NDST4: variants seen among roughly 807,000 people sequenced by gnomAD.
The protein encoded by NDST4 is N-heparan sulfate sulfotransferase 4.
A neutral mutation model predicts 100.8 loss-of-function variants in NDST4; 63 were observed. The observed-to-expected ratio is 0.62, with a 90% CI of 0.51 to 0.77. The LOEUF is 0.77. Among genes scored for constraint, NDST4 ranks in the 30% least tolerant of loss-of-function variants. The pLI, the probability that NDST4 is intolerant of heterozygous loss-of-function variation, is 0.00. For missense variants in NDST4, 943 were observed against 1,018.4 expected (o/e 0.93, Z 1.01); for synonymous variants, 377 against 361.8 (o/e 1.04, Z -0.48).
chr4:114,937,312 G>T lies in NDST4; in HGVS notation c.1407+6C>A. 2 of 1,613,684 alleles carry T rather than the reference G, an allele frequency of 1.2e-6. No homozygotes were observed. The highest frequency in any genetic ancestry group is 1.7e-6 in the Non-Finnish European group (2 of 1,179,634). On this transcript the variant is annotated splice_donor_region_variant and intron_variant, in intron 5 of 13. Transcript: ENST00000264363. ...TCCTTCAATATACATGGCTCTCTGT[G>T]CTCACCATGATGCTATTGTGAATGA...
At chr4:114,904,698 A>G (rs1322525573) in intron 6 of NDST4, among the ~76,000 whole-genome samples, 1 of 150,658 alleles carries the variant, frequency 6.6e-6, no homozygotes, top group Non-Finnish European at 1.5e-5. Flanking sequence ...TGTAATTTGT[A>G]GAGTTTTTTT....
chr4:114,841,051 T>C (rs1377384111), intron 10 of NDST4, among the ~76,000 whole-genome samples: 1 of 152,238 alleles, frequency 6.6e-6, no homozygotes, highest in Non-Finnish European at 1.5e-5. Context: ...ACACACTACA[T>C]ACATATTTAA....
intron 2 of NDST4, among the ~76,000 whole-genome samples, chr4:114,991,251 T>G (rs1727033126): frequency 6.6e-6 from 1 of 152,066 alleles, no homozygotes; most frequent in Non-Finnish European, 1.5e-5. Context: ...CTAATGTGCC[T>G]AAGACTTTGT....
At chr4:114,941,539 A>C (rs1426040677) in intron 4 of NDST4, among the ~76,000 whole-genome samples, 1 of 150,684 alleles carries the variant, frequency 6.6e-6, no homozygotes, top group South Asian at 2.1e-4. Flanking sequence ...AGTACTCAAG[A>C]CCAATTTCAG....
intron 6 of NDST4, among the ~76,000 whole-genome samples, chr4:114,934,358 T>C (rs971980737): frequency 6.6e-6 from 1 of 152,012 alleles, no homozygotes; most frequent in Admixed American, 6.6e-5. Flanking sequence ...GAGACCATCC[T>C]GGCTAATACG....
chr4:114,913,494 T>A (rs1487044645), intron 6 of NDST4, among the ~76,000 whole-genome samples: 1 of 152,080 alleles, frequency 6.6e-6, no homozygotes, highest in African/African-American at 2.4e-5. Flanking sequence ...ATAGAGATTA[T>A]CTGCCTATTT....
At chr4:114,928,621 T>C (rs1245347422) in intron 6 of NDST4, among the ~76,000 whole-genome samples, 4 of 152,140 alleles carry the variant, frequency 2.6e-5, no homozygotes, top group Non-Finnish European at 5.9e-5. Flanking sequence ...TTATTTTGGG[T>C]GTGTCCATGA....
At chr4:115,102,584 T>G (rs1227823867) in intron 1 of NDST4, among the ~76,000 whole-genome samples, 1 of 152,050 alleles carries the variant, frequency 6.6e-6, no homozygotes, top group East Asian at 1.9e-4. Context: ...CTTCTGAATT[T>G]AGGTAAGCAG....
At chr4:114,959,668 C>T (rs568104870) in intron 4 of NDST4, among the ~76,000 whole-genome samples, 13 of 151,856 alleles carry the variant, frequency 8.6e-5, no homozygotes, top group Non-Finnish European at 1.5e-4. Context: ...CAGGGTTCAA[C>T]AAGAAATTTG....
At chr4:115,021,471 T>C (rs973679349) in intron 2 of NDST4, among the ~76,000 whole-genome samples, 4 of 149,918 alleles carry the variant, frequency 2.7e-5, no homozygotes, top group Non-Finnish European at 4.4e-5. Flanking sequence ...GTACACACGT[T>C]CCACATATAC....
At chr4:115,082,178 A>G (rs1369649830) in intron 1 of NDST4, among the ~76,000 whole-genome samples, 2 of 152,170 alleles carry the variant, frequency 1.3e-5, no homozygotes, top group Non-Finnish European at 2.9e-5. Context: ...CTTATCACCT[A>G]GGTAGTGGAA....
intron 4 of NDST4, among the ~76,000 whole-genome samples, chr4:114,966,236 G>C (rs1019298672): frequency 2.6e-5 from 4 of 151,824 alleles, no homozygotes; most frequent in Non-Finnish European, 5.9e-5. Context: ...GGTGCTCATG[G>C]ATTAAGCATA....
intron 2 of NDST4, among the ~76,000 whole-genome samples, chr4:115,071,856 T>C (rs1468136372): frequency 6.6e-6 from 1 of 152,086 alleles, no homozygotes; most frequent in African/African-American, 2.4e-5. Context: ...GCAAAAACTG[T>C]GACTAGAATA....
intron 6 of NDST4, 132 bp from the exon 7 acceptor site, chr4:114,871,082 G>A (rs2126196970): frequency 1.8e-6 from 1 of 553,588 alleles, no homozygotes; most frequent in Non-Finnish European, 3.1e-6. Flanking sequence ...TAAGTGGAAA[G>A]CCACACATTT....
intron 2 of NDST4, among the ~76,000 whole-genome samples, chr4:115,000,615 G>A (rs926795955): frequency 6.6e-6 from 1 of 152,068 alleles, no homozygotes; most frequent in African/African-American, 2.4e-5. Context: ...TGAAGTAGTA[G>A]TCCATAATCC....
At chr4:114,985,349 C>G (rs2126248673) in intron 2 of NDST4, among the ~76,000 whole-genome samples, 1 of 152,314 alleles carries the variant, frequency 6.6e-6, no homozygotes, top group East Asian at 1.9e-4. Context: ...ACTCTTCCCT[C>G]CTTTTGCCAC....
At chr4:115,052,719 C>T (rs1198733179) in intron 2 of NDST4, among the ~76,000 whole-genome samples, 4 of 152,224 alleles carry the variant, frequency 2.6e-5, no homozygotes, top group Non-Finnish European at 4.4e-5. Context: ...GTAAATTACT[C>T]GGGTATGTCT....
intron 2 of NDST4, among the ~76,000 whole-genome samples, chr4:115,052,642 C>T (rs1728608065): frequency 6.6e-6 from 1 of 152,080 alleles, no homozygotes; most frequent in South Asian, 2.1e-4. Context: ...CCTTATTTGC[C>T]TTCTTTCATG....
intron 2 of NDST4, among the ~76,000 whole-genome samples, chr4:115,034,924 C>T (rs1282728176): frequency 6.6e-6 from 1 of 152,114 alleles, no homozygotes. Context: ...ATCTATCCTC[C>T]TTTCTTCTTC....
Sources: allele counts gnomAD v4.1 joint callset (sites outside exome capture counted in the v4.1 genomes callset), GRCh38; gene constraint gnomAD v4.1.1; transcripts MANE v1.5; gene names NCBI Gene and HGNC (gene_info 2026-07-23, HGNC 2026-07-21).